EBF2: variants seen among roughly 807,000 people sequenced by gnomAD.
EBF2 encodes the protein EBF transcription factor 2, also known as transcription factor COE2.
EBF2 carries 21 observed loss-of-function variants against 72.8 expected under a neutral mutation model. The ratio of observed to expected loss-of-function variants is 0.29; its 90% CI spans 0.20 to 0.42. The LOEUF is 0.42. Ranked by LOEUF, EBF2 falls within the 10% of genes least tolerant of loss-of-function variation. EBF2 has a pLI of 1.00. For synonymous variants in EBF2, 299 were observed against 274.2 expected, an observed-to-expected ratio of 1.09 and a Z score of -0.89; for missense variants, 637 against 731.2, an observed-to-expected ratio of 0.87 and a Z score of 1.49.
At chr8:25,997,344 G>A (rs1435798657) in intron 6 of EBF2, among the ~76,000 whole-genome samples, 1 of 152,164 alleles carries the variant, frequency 6.6e-6, no homozygotes, top group Non-Finnish European at 1.5e-5. Context: ...GCCAAGGCAG[G>A]CAGACGGTTT....
intron 6 of EBF2, among the ~76,000 whole-genome samples, chr8:25,951,152 A>G (rs1451617362): frequency 6.6e-6 from 1 of 152,208 alleles, no homozygotes; most frequent in African/African-American, 2.4e-5. Flanking sequence ...ATTTGATATC[A>G]CCATCTTATT....
intron 6 of EBF2, among the ~76,000 whole-genome samples, chr8:25,953,626 T>A (rs771471635): frequency 6.6e-6 from 1 of 152,134 alleles, no homozygotes; most frequent in Non-Finnish European, 1.5e-5. Flanking sequence ...AGTCTCTGTG[T>A]CACCATCAGA....
intron 6 of EBF2, among the ~76,000 whole-genome samples, chr8:25,999,221 T>G (rs1463986408): frequency 1.3e-5 from 2 of 152,196 alleles, no homozygotes; most frequent in Non-Finnish European, 2.9e-5. Context: ...GTCTCTGAAA[T>G]GGAAAATGAA....
chr8:26,044,663 G>T lies in EBF2; in HGVS notation c.131+66C>A. Reference sequence around the variant, plus strand: ...GAAAGGCACGGGGTGCGCGGGGGGGGTGCACACGGAGAGACAGACCGTAAG... The same window carrying T: ...GAAAGGCACGGGGTGCGCGGGGGGGTTGCACACGGAGAGACAGACCGTAAG... On this transcript the variant is annotated intron_variant, in intron 1 of 15. Transcript: ENST00000520164. This position sits in a 1 kb window ranked among gnomAD's most constrained non-coding sequence, Gnocchi z 4.1. 2 of 1,546,672 alleles carry T rather than the reference G, an allele frequency of 1.3e-6. No homozygotes were observed. Among genetic ancestry groups the T allele is most frequent in the Non-Finnish European group, 1.8e-6 (2 of 1,136,522 alleles).
intron 6 of EBF2, among the ~76,000 whole-genome samples, chr8:25,971,959 A>G (rs1265325440): frequency 6.6e-6 from 1 of 152,088 alleles, no homozygotes; most frequent in Non-Finnish European, 1.5e-5. Flanking sequence ...GCCAGGGCGC[A>G]TTGTTCCCCT....
At chr8:25,882,914 G>A (rs1040470023) in intron 10 of EBF2, among the ~76,000 whole-genome samples, 3 of 152,218 alleles carry the variant, frequency 2.0e-5, no homozygotes, top group Non-Finnish European at 2.9e-5. Flanking sequence ...TGCAAAAGTC[G>A]TTAATGTCTC....
At chr8:25,874,565 A>G (rs1377870409) in intron 10 of EBF2, among the ~76,000 whole-genome samples, 1 of 151,716 alleles carries the variant, frequency 6.6e-6, no homozygotes, top group Non-Finnish European at 1.5e-5. Flanking sequence ...TCAAGCACCT[A>G]CTCTGCATGT....
At chr8:25,930,783 C>T (rs912152560) in intron 6 of EBF2, among the ~76,000 whole-genome samples, 1 of 152,140 alleles carries the variant, frequency 6.6e-6, no homozygotes, top group African/African-American at 2.4e-5. Context: ...ATGAAAGAGG[C>T]TTGATTCCAG....
chr8:26,018,496 C>CAAAAAAAAAAAAA (rs10555042), intron 6 of EBF2, among the ~76,000 whole-genome samples: 5 of 81,618 alleles, frequency 6.1e-5, no homozygotes, highest in African/African-American at 2.0e-4. Context: ...ACTAAAAATA[C>CAAAAAAAAAAAAA]AAAAAAAAAA....
At chr8:25,905,254 G>A (rs1803015582) in intron 7 of EBF2, among the ~76,000 whole-genome samples, 1 of 152,142 alleles carries the variant, frequency 6.6e-6, no homozygotes, top group Admixed American at 6.5e-5. Context: ...GTAAAATGGT[G>A]CAACCACTAT....
intron 5 of EBF2, 133 bp downstream of exon 5, chr8:26,039,895 G>A: frequency 1.2e-6 from 1 of 840,540 alleles, no homozygotes. Flanking sequence ...TACACTCTGC[G>A]CCCGTCTGCC....
chr8:25,881,729 G>T (rs542395028), intron 10 of EBF2, among the ~76,000 whole-genome samples: 1 of 152,302 alleles, frequency 6.6e-6, no homozygotes, highest in African/African-American at 2.4e-5. Flanking sequence ...ACCCTGGCCT[G>T]TCATGCCCCC....
At chr8:25,899,124 A>AG (rs1429823250) in intron 7 of EBF2, among the ~76,000 whole-genome samples, 1 of 152,108 alleles carries the variant, frequency 6.6e-6, no homozygotes. Context: ...ACCAAAATTT[A>AG]GGGGTGGAGG....
chr8:26,020,905 C>T (rs1345599309), intron 6 of EBF2, among the ~76,000 whole-genome samples: 4 of 152,150 alleles, frequency 2.6e-5, no homozygotes, highest in Admixed American at 1.3e-4. Context: ...AGCGTTAAAT[C>T]GAAGTAAAGT....
At chr8:25,925,176 G>A (rs905913065) in intron 6 of EBF2, among the ~76,000 whole-genome samples, 7 of 152,112 alleles carry the variant, frequency 4.6e-5, no homozygotes, top group Non-Finnish European at 8.8e-5. Flanking sequence ...CCTCAGTCCC[G>A]AGAATATTTT....
At chr8:25,944,332 A>C (rs1248255450) in intron 6 of EBF2, among the ~76,000 whole-genome samples, 1 of 152,112 alleles carries the variant, frequency 6.6e-6, no homozygotes, top group Non-Finnish European at 1.5e-5. Context: ...TCTCTTACTT[A>C]CATCTCCCTT....
intron 6 of EBF2, among the ~76,000 whole-genome samples, chr8:25,928,593 C>G (rs183364278): frequency 1.7e-4 from 26 of 152,172 alleles, no homozygotes; most frequent in Non-Finnish European, 2.9e-4. Context: ...TATTTATATT[C>G]TACCAATACG....
In EBF2 at chr8:26,041,005, GAA is replaced by G; in HGVS notation, c.289-5_289-4del. The G allele has an allele frequency of 1.2e-6, 2 of 1,614,076 alleles. No homozygotes were observed. Among genetic ancestry groups the G allele is most frequent in the Non-Finnish European group, 1.7e-6 (2 of 1,180,006 alleles). ...TTGGTCTTCTCGTTGCCTTGTTCCTGAAAAGACAGGCAGCGTTCGATTCCCTT... is the reference window on the plus strand; with the variant it reads ...TTGGTCTTCTCGTTGCCTTGTTCCTGAAGACAGGCAGCGTTCGATTCCCTT... On this transcript the variant is annotated splice_region_variant and splice_polypyrimidine_tract_variant and intron_variant, in intron 2 of 15. Coordinates refer to ENST00000520164, the MANE Select transcript of EBF2 (RefSeq NM_022659.4).
intron 6 of EBF2, among the ~76,000 whole-genome samples, chr8:25,963,071 C>G (rs1303680588): frequency 6.6e-6 from 1 of 152,286 alleles, no homozygotes; most frequent in Non-Finnish European, 1.5e-5. Context: ...CCTTTGTTGT[C>G]AGGTTTATGT....
Sources: allele counts gnomAD v4.1 joint callset (sites outside exome capture counted in the v4.1 genomes callset), GRCh38; gene constraint gnomAD v4.1.1; non-coding constraint Gnocchi (gnomAD v3.1); transcripts MANE v1.5; gene names NCBI Gene and HGNC (gene_info 2026-07-23, HGNC 2026-07-21).